Variants in PCDHGA1 observed in about 807,000 individuals in gnomAD.
The protein encoded by PCDHGA1 is protocadherin gamma-A1.
PCDHGA1 carries 32 observed loss-of-function variants against 58.0 expected under a neutral mutation model. That is an observed-to-expected ratio of 0.55 (90% CI 0.42 to 0.74). The LOEUF (loss-of-function observed/expected upper bound fraction) is 0.74, where lower values mean the gene tolerates loss of function less well. PCDHGA1 is among the 30% of genes least tolerant of loss of function. The probability of loss-of-function intolerance (pLI) is 0.00; values close to 1 mark genes in which losing one functional copy is unlikely to be tolerated. For synonymous variants in PCDHGA1, 498 were observed against 501.1 expected, an observed-to-expected ratio of 0.99 and a Z score of 0.08; for missense variants, 1,205 against 1,182.3, an observed-to-expected ratio of 1.02 and a Z score of -0.28.
chr5:141,387,764 AT>A, intron 1 of PCDHGA1: 1 of 1,430,464 alleles, frequency 7.0e-7, no homozygotes, highest in East Asian at 2.5e-5. Context: ...AAAAAGAAGA[AT>A]TTTTTCTTGA....
At chr5:141,336,593 C>T (rs1030501791) in intron 1 of PCDHGA1, among the ~76,000 whole-genome samples, 1 of 152,042 alleles carries the variant, frequency 6.6e-6, no homozygotes, top group Non-Finnish European at 1.5e-5. Flanking sequence ...ATGCCACATA[C>T]AAAAATTAAT....
intron 1 of PCDHGA1, chr5:141,414,843 G>A: frequency 3.7e-6 from 6 of 1,614,218 alleles, no homozygotes; most frequent in Non-Finnish European, 5.1e-6. Context: ...GCCTGTTTGT[G>A]CTGGACCAGA....
intron 1 of PCDHGA1, chr5:141,371,097 G>A (rs376198094): frequency 5.0e-6 from 8 of 1,613,710 alleles, no homozygotes; most frequent in Non-Finnish European, 6.8e-6. Flanking sequence ...TGTCGCAGAT[G>A]CAAATGATAA....
At chr5:141,347,180 T>TTTCTTTCTTTCTTTCTTTCTTTCC (rs1757924736) in intron 1 of PCDHGA1, among the ~76,000 whole-genome samples, 1 of 147,950 alleles carries the variant, frequency 6.8e-6, no homozygotes, top group Non-Finnish European at 1.5e-5. Context: ...TCTTTCTTTC[T>TTTCTTTCTTTCTTTCTTTCTTTCC]TGACAGGGTC....
chr5:141,413,909 T>A (rs772084941), intron 1 of PCDHGA1: 1 of 1,613,316 alleles, frequency 6.2e-7, no homozygotes. Flanking sequence ...AACGCGCCGG[T>A]CTTCACCTTG....
intron 1 of PCDHGA1, chr5:141,360,202 T>C (rs779702690): frequency 1.2e-6 from 2 of 1,612,846 alleles, no homozygotes; most frequent in Non-Finnish European, 1.7e-6. Context: ...CTTCCTGTTG[T>C]CTTTGTTCCC....
At chr5:141,366,469 G>T (rs575828819) in intron 1 of PCDHGA1, 4 of 1,614,256 alleles carry the variant, frequency 2.5e-6, no homozygotes, top group Admixed American at 1.7e-5. Context: ...TGCTGCTGGT[G>T]CTCAGACTGA....
At chr5:141,390,025 G>A (rs762363185) in intron 1 of PCDHGA1, 2 of 1,613,882 alleles carry the variant, frequency 1.2e-6, no homozygotes, top group African/African-American at 1.3e-5. Flanking sequence ...TTGCGCCTGC[G>A]ACGCTCCTCC....
intron 3 of PCDHGA1, 77 bp downstream of exon 3, chr5:141,505,558 C>T (rs945428797): frequency 3.7e-6 from 6 of 1,605,016 alleles, no homozygotes; most frequent in African/African-American, 1.3e-5. Context: ...ACCATGCCCA[C>T]GGACTGGATG....
chr5:141,404,250 C>A lies in PCDHGA1; in HGVS notation c.2421+71145C>A, dbSNP rs1282621596. 2.5e-6 allele frequency: 4 copies of A among 1,613,886 alleles called. No homozygotes were observed. In the Admixed American group the frequency reaches 5.0e-5, roughly 20 times the overall value. On this transcript the variant is annotated intron_variant, in intron 1 of 3. Coordinates refer to ENST00000517417, the MANE Select transcript of PCDHGA1 (RefSeq NM_018912.3). Reference sequence around the variant, plus strand: ...ACAGACAGAGGAACTCCGCCCCTGTCCACAGAAATTCACATCACCCTGCAA... The same window carrying A: ...ACAGACAGAGGAACTCCGCCCCTGTACACAGAAATTCACATCACCCTGCAA...
chr5:141,370,835 C>G, intron 1 of PCDHGA1: 1 of 1,613,964 alleles, frequency 6.2e-7, no homozygotes, highest in East Asian at 2.2e-5. Flanking sequence ...AACTGGCTCT[C>G]ACTGGAGCCA....
At position 141,373,653 on chromosome 5, in the gene PCDHGA1, A is replaced by T. The variant is rs149501628; in HGVS notation, c.2421+40548A>T. Among the ~76,000 whole-genome samples, 35 of 152,376 alleles carry T rather than the reference A, an allele frequency of 2.3e-4. No individual in the cohort carries two copies. In the East Asian group the frequency reaches 6.4e-3, roughly 28 times the overall value. On this transcript the variant is annotated intron_variant, in intron 1 of 3. Transcript: ENST00000517417. The stretch of plus-strand genomic sequence containing the variant: ...TTTCTGTTCCCCAAGGTCCTAAGAG[A>T]TATTTTCATAAAAATGAATGGTAAA...
At chr5:141,345,979 A>G in intron 1 of PCDHGA1, 1 of 1,613,178 alleles carries the variant, frequency 6.2e-7, no homozygotes, top group Non-Finnish European at 8.5e-7. Flanking sequence ...GTCCAGGACC[A>G]CGGCCAGCCC....
chr5:141,510,239 C>T (rs2099880022), intron 3 of PCDHGA1, among the ~76,000 whole-genome samples: 1 of 150,434 alleles, frequency 6.6e-6, no homozygotes, highest in Non-Finnish European at 1.5e-5. Flanking sequence ...CGCCACTGCA[C>T]TCCAGGCTGG....
intron 1 of PCDHGA1, among the ~76,000 whole-genome samples, chr5:141,446,381 T>C (rs1225260527): frequency 1.3e-5 from 2 of 152,248 alleles, no homozygotes; most frequent in Non-Finnish European, 2.9e-5. Flanking sequence ...TAAAGAATGA[T>C]AGATTTAAGA....
At chr5:141,446,035 A>G (rs1300621298) in intron 1 of PCDHGA1, among the ~76,000 whole-genome samples, 1 of 152,222 alleles carries the variant, frequency 6.6e-6, no homozygotes, top group Non-Finnish European at 1.5e-5. Context: ...CTGGTAAGAA[A>G]TGGAAGAAGA....
intron 1 of PCDHGA1, chr5:141,426,887 G>C (rs1309180455): frequency 6.6e-6 from 3 of 456,646 alleles, no homozygotes; most frequent in South Asian, 4.6e-5. Context: ...TGGGCCAGGA[G>C]CAACAGAGCT....
At chr5:141,362,380 C>A in intron 1 of PCDHGA1, 4 of 1,614,026 alleles carry the variant, frequency 2.5e-6, no homozygotes, top group Non-Finnish European at 3.4e-6. Context: ...GGGTACATTG[C>A]CCTATTCCTA....
At position 141,346,314 on chromosome 5, in the gene PCDHGA1, G is replaced by A. The variant is rs749127438; in HGVS notation, c.2421+13209G>A. On this transcript the variant is annotated intron_variant, in intron 1 of 3. Transcript: ENST00000517417. ...CTATTCCCACGAGGTCTCCCTCACT[G>A]CGGACTCGCGGAAGAGCCACCTGAT... 1.9e-5 allele frequency: 31 copies of A among 1,614,204 alleles called. No homozygotes were observed. The highest frequency in any genetic ancestry group is 3.3e-5 in the South Asian group (3 of 91,086).
Sources: allele counts gnomAD v4.1 joint callset (sites outside exome capture counted in the v4.1 genomes callset), GRCh38; gene constraint gnomAD v4.1.1; transcripts MANE v1.5; gene names NCBI Gene and HGNC (gene_info 2026-07-23, HGNC 2026-07-21).